LYPD6B: variants seen among roughly 807,000 people sequenced by gnomAD.
LYPD6B encodes ly6/PLAUR domain-containing protein 6B.
In LYPD6B, 17 loss-of-function variants were observed where a neutral mutation model predicts 22.8. The ratio of observed to expected loss-of-function variants is 0.75; its 90% CI spans 0.51 to 1.12. The LOEUF (loss-of-function observed/expected upper bound fraction) is 1.12. Among genes scored for constraint, LYPD6B ranks in the 50% most tolerant of loss-of-function variants. The pLI, the probability that LYPD6B is intolerant of heterozygous loss-of-function variation, is 0.00. For synonymous variants in LYPD6B, 106 were observed against 91.6 expected (o/e 1.16, Z -0.90); for missense variants, 221 against 258.3 (o/e 0.86, Z 0.99).
At chr2:149,095,442 G>A (rs1685859735) in intron 1 of LYPD6B, among the ~76,000 whole-genome samples, 1 of 152,218 alleles carries the variant, frequency 6.6e-6, no homozygotes, top group Non-Finnish European at 1.5e-5. Context: ...TAGTAAGAGT[G>A]TAGCTGTTTT....
chr2:149,166,367 G>A (rs1169824160), intron 3 of LYPD6B, among the ~76,000 whole-genome samples: 1 of 152,106 alleles, frequency 6.6e-6, no homozygotes, highest in Non-Finnish European at 1.5e-5. Flanking sequence ...GAATAAAGTG[G>A]CTCATAGTAC....
chr2:149,144,370 C>T (rs755524590), intron 2 of LYPD6B, among the ~76,000 whole-genome samples: 2 of 151,976 alleles, frequency 1.3e-5, no homozygotes, highest in Non-Finnish European at 2.9e-5. Flanking sequence ...AGATGAAAGA[C>T]TAGTTTTTTT....
intron 2 of LYPD6B, among the ~76,000 whole-genome samples, chr2:149,148,082 A>G (rs1363864438): frequency 1.3e-5 from 2 of 152,212 alleles, no homozygotes; most frequent in African/African-American, 2.4e-5. Flanking sequence ...ACAATCAGGC[A>G]AAGGAAATAT....
chr2:149,096,349 C>T (rs61162291), intron 1 of LYPD6B, among the ~76,000 whole-genome samples: 6,667 of 152,144 alleles, frequency 0.044, 343 homozygotes, highest in African/African-American at 0.13. Flanking sequence ...TTTGTGATGG[C>T]GTGAGGTAAC....
chr2:149,090,661 A>T (rs891526838), intron 1 of LYPD6B, among the ~76,000 whole-genome samples: 1 of 152,194 alleles, frequency 6.6e-6, no homozygotes, highest in African/African-American at 2.4e-5. Flanking sequence ...TCTTAAAAAA[A>T]AACCTCAGAC....
At chr2:149,170,130 T>G (rs969051239) in intron 3 of LYPD6B, among the ~76,000 whole-genome samples, 5 of 152,156 alleles carry the variant, frequency 3.3e-5, no homozygotes, top group African/African-American at 1.2e-4. Context: ...ATCTTAATGG[T>G]CAGTACAGAA....
intron 1 of LYPD6B, among the ~76,000 whole-genome samples, chr2:149,041,094 G>C (rs1471460442): frequency 9.5e-6 from 1 of 105,450 alleles, no homozygotes; most frequent in South Asian, 3.5e-4. Context: ...GCAAGACTCC[G>C]TCTCAAAAAA....
intron 3 of LYPD6B, among the ~76,000 whole-genome samples, chr2:149,170,833 T>G (rs904966323): frequency 3.3e-5 from 5 of 152,232 alleles, no homozygotes; most frequent in African/African-American, 1.2e-4. Flanking sequence ...AGCTATTCTG[T>G]CACCTTTCTT....
At chr2:149,146,101 T>A (rs1689003394) in intron 2 of LYPD6B, among the ~76,000 whole-genome samples, 1 of 152,212 alleles carries the variant, frequency 6.6e-6, no homozygotes, top group Non-Finnish European at 1.5e-5. Context: ...AATGACAATA[T>A]GAGTGAACAA....
At chr2:149,185,199 G>GT (rs1692009351) in intron 3 of LYPD6B, among the ~76,000 whole-genome samples, 1 of 152,204 alleles carries the variant, frequency 6.6e-6, no homozygotes, top group African/African-American at 2.4e-5. Context: ...TTAAAGGCAA[G>GT]ATTTTTTTCA....
At chr2:149,161,051 A>T (rs925680528) in intron 3 of LYPD6B, among the ~76,000 whole-genome samples, 1 of 152,206 alleles carries the variant, frequency 6.6e-6, no homozygotes, top group African/African-American at 2.4e-5. Context: ...TGAACCAAAA[A>T]GGGGAGTCCC....
intron 1 of LYPD6B, among the ~76,000 whole-genome samples, chr2:149,102,764 G>T (rs1686275236): frequency 6.6e-6 from 1 of 152,030 alleles, no homozygotes; most frequent in African/African-American, 2.4e-5. Context: ...CAAGTCACTG[G>T]GATTAAAGGT....
chr2:149,101,919 T>G (rs1046875395), intron 1 of LYPD6B, among the ~76,000 whole-genome samples: 1 of 152,184 alleles, frequency 6.6e-6, no homozygotes, highest in Non-Finnish European at 1.5e-5. Flanking sequence ...TTAAAACTCT[T>G]TCAGTCCCAT....
intron 3 of LYPD6B, among the ~76,000 whole-genome samples, chr2:149,180,109 G>A (rs1402255461): frequency 6.6e-6 from 1 of 152,190 alleles, no homozygotes; most frequent in Non-Finnish European, 1.5e-5. Flanking sequence ...GAAGAGAAAT[G>A]CTCTAGCATC....
intron 1 of LYPD6B, among the ~76,000 whole-genome samples, chr2:149,083,138 G>A (rs774620223): frequency 1.3e-5 from 2 of 152,224 alleles, no homozygotes; most frequent in Non-Finnish European, 2.9e-5. Context: ...CTGCAGAGCA[G>A]TTTCTAAAAA....
chr2:149,189,023 CT>C (rs1395086612), intron 3 of LYPD6B, among the ~76,000 whole-genome samples: 6 of 151,990 alleles, frequency 3.9e-5, no homozygotes, highest in Non-Finnish European at 7.4e-5. Flanking sequence ...AGCTTTTTCA[CT>C]AAGCTAAATA....
chr2:149,200,910 G>A (rs1293937849), intron 3 of LYPD6B, among the ~76,000 whole-genome samples: 1 of 152,146 alleles, frequency 6.6e-6, no homozygotes, highest in Non-Finnish European at 1.5e-5. Context: ...TCTTCCGAAG[G>A]GAGGACTCAT....
At chr2:149,094,400 A>T (rs767281255) in intron 1 of LYPD6B, among the ~76,000 whole-genome samples, 63 of 152,230 alleles carry the variant, frequency 4.1e-4, no homozygotes, top group Non-Finnish European at 1.6e-4. Flanking sequence ...GTGCATAAAG[A>T]TCATAATTAG....
chr2:149,112,687 A>G (rs1158344440), intron 1 of LYPD6B, among the ~76,000 whole-genome samples: 1 of 152,174 alleles, frequency 6.6e-6, no homozygotes, highest in African/African-American at 2.4e-5. Context: ...TAAGTGCCTG[A>G]AAATTAGTAG....
Sources: allele counts gnomAD v4.1 joint callset (sites outside exome capture counted in the v4.1 genomes callset), GRCh38; gene constraint gnomAD v4.1.1; transcripts MANE v1.5; gene names NCBI Gene and HGNC (gene_info 2026-07-23, HGNC 2026-07-21).